Variants in SDK1 observed in about 807,000 individuals in gnomAD.
SDK1 encodes the protein protein sidekick-1.
SDK1 carries 157 observed loss-of-function variants against 245.5 expected under a neutral mutation model. The ratio of observed to expected loss-of-function variants is 0.64; its 90% confidence interval spans 0.56 to 0.73. SDK1 has a LOEUF of 0.73. SDK1 is among the 30% of genes least tolerant of loss of function. The probability of loss-of-function intolerance (pLI) is 0.00; values close to 1 mark genes in which losing one functional copy is unlikely to be tolerated. For synonymous variants in SDK1, 1,647 were observed against 1,278.5 expected (o/e 1.29, Z -6.15); for missense variants, 3,583 against 3,002.3 (o/e 1.19, Z -4.52).
intron 1 of SDK1, among the ~76,000 whole-genome samples, chr7:3,572,131 A>T (rs1370600475): frequency 6.6e-6 from 1 of 152,096 alleles, no homozygotes; most frequent in Non-Finnish European, 1.5e-5. Context: ...AACTCAACAA[A>T]CATCCACTGG....
chr7:4,163,004 G>A (rs983331069), intron 32 of SDK1, among the ~76,000 whole-genome samples: 5 of 152,202 alleles, frequency 3.3e-5, no homozygotes, highest in Non-Finnish European at 4.4e-5. Flanking sequence ...GCCCGGATCC[G>A]GGGCAGACAG....
At chr7:4,083,294 A>G (rs769713980) in intron 22 of SDK1, among the ~76,000 whole-genome samples, 20 of 149,520 alleles carry the variant, frequency 1.3e-4, no homozygotes, top group Non-Finnish European at 2.4e-4. Context: ...ACAACCACTC[A>G]TCTGCTTCCT....
intron 13 of SDK1, among the ~76,000 whole-genome samples, chr7:3,981,529 T>C (rs1217956949): frequency 6.6e-6 from 1 of 152,204 alleles, no homozygotes; most frequent in East Asian, 1.9e-4. Context: ...GCCAGGCCTC[T>C]TGCCCCAGTT....
At chr7:3,695,997 C>G (rs1784562339) in intron 4 of SDK1, among the ~76,000 whole-genome samples, 1 of 152,158 alleles carries the variant, frequency 6.6e-6, no homozygotes, top group Non-Finnish European at 1.5e-5. Flanking sequence ...GCTTTCCTCC[C>G]ACCGTTCTTC....
intron 1 of SDK1, among the ~76,000 whole-genome samples, chr7:3,303,476 C>T (rs771280594): frequency 6.6e-6 from 1 of 152,170 alleles, no homozygotes; most frequent in Admixed American, 6.5e-5. Flanking sequence ...AAGTTTTTAT[C>T]AGTTGCACTT....
At chr7:3,445,012 G>C (rs186349123) in intron 1 of SDK1, among the ~76,000 whole-genome samples, 1 of 152,302 alleles carries the variant, frequency 6.6e-6, no homozygotes, top group Non-Finnish European at 1.5e-5. Context: ...AGCAGAGTCA[G>C]TAGGCATATT....
chr7:3,417,064 C>G (rs538393599), intron 1 of SDK1, among the ~76,000 whole-genome samples: 84 of 152,166 alleles, frequency 5.5e-4, no homozygotes, highest in African/African-American at 2.0e-3. Context: ...ATCCTAGCTA[C>G]CGGGAAGGCT....
chr7:3,834,761 G>C (rs190333615), intron 5 of SDK1, among the ~76,000 whole-genome samples: 1 of 152,128 alleles, frequency 6.6e-6, no homozygotes, highest in South Asian at 2.1e-4. Flanking sequence ...GCTTATTTCC[G>C]CAAGCCACGG....
chr7:4,185,681 A>G (rs1782847355), intron 35 of SDK1, among the ~76,000 whole-genome samples: 1 of 152,148 alleles, frequency 6.6e-6, no homozygotes, highest in Admixed American at 6.5e-5. Context: ...TGCCACGTAC[A>G]CAGCTCTTTG....
intron 4 of SDK1, among the ~76,000 whole-genome samples, chr7:3,669,168 T>G (rs1008407516): frequency 5.9e-5 from 9 of 152,308 alleles, no homozygotes; most frequent in African/African-American, 2.2e-4. Context: ...TTAGTGTAAA[T>G]GAATGTTGAA....
intron 5 of SDK1, among the ~76,000 whole-genome samples, chr7:3,857,590 G>C (rs918274634): frequency 2.6e-5 from 4 of 152,034 alleles, no homozygotes; most frequent in African/African-American, 9.7e-5. Context: ...GAGAGGTTGA[G>C]GTGGGAGGAT....
intron 1 of SDK1, among the ~76,000 whole-genome samples, chr7:3,346,780 CAT>C (rs1248705105): frequency 3.5e-5 from 3 of 85,158 alleles, no homozygotes; most frequent in East Asian, 3.9e-4. Context: ...TATATGTATA[CAT>C]ATATATGTAT....
chr7:4,027,929 A>G (rs571841293), intron 17 of SDK1, among the ~76,000 whole-genome samples: 1 of 151,894 alleles, frequency 6.6e-6, no homozygotes, highest in East Asian at 1.9e-4. Flanking sequence ...ATTAGGATCT[A>G]GATAGAATAA....
intron 1 of SDK1, among the ~76,000 whole-genome samples, chr7:3,560,016 G>C (rs562135532): frequency 1.3e-5 from 2 of 152,322 alleles, no homozygotes; most frequent in East Asian, 3.9e-4. Flanking sequence ...GTAGCCCCAG[G>C]AGACAGGAGA....
At chr7:4,126,558 TA>T (rs1309740361) in intron 25 of SDK1, among the ~76,000 whole-genome samples, 7 of 152,214 alleles carry the variant, frequency 4.6e-5, no homozygotes, top group Admixed American at 6.5e-5. Context: ...CCATCTCTAG[TA>T]AAAATTCAAA....
chr7:3,432,166 T>C (rs1779871158), intron 1 of SDK1, among the ~76,000 whole-genome samples: 4 of 148,296 alleles, frequency 2.7e-5, no homozygotes, highest in African/African-American at 7.4e-5. Flanking sequence ...TATATTTTTA[T>C]ATATATATAT....
At chr7:4,059,602 A>G (rs990270015) in intron 19 of SDK1, among the ~76,000 whole-genome samples, 2 of 152,228 alleles carry the variant, frequency 1.3e-5, no homozygotes, top group African/African-American at 2.4e-5. Context: ...CCTAACAGAC[A>G]TTTACAGAAC....
intron 1 of SDK1, among the ~76,000 whole-genome samples, chr7:3,545,615 T>G: frequency 6.6e-6 from 1 of 152,198 alleles, no homozygotes; most frequent in East Asian, 1.9e-4. Flanking sequence ...ATTACATGAT[T>G]GAAATGAAAC....
intron 6 of SDK1, 98 bp from the exon 7 acceptor site, chr7:3,951,632 C>A: frequency 9.7e-7 from 1 of 1,032,060 alleles, no homozygotes; most frequent in Non-Finnish European, 1.5e-6. Flanking sequence ...ACCCTGGTAG[C>A]ATTAGCTTCG....
Sources: allele counts gnomAD v4.1 joint callset (sites outside exome capture counted in the v4.1 genomes callset), GRCh38; gene constraint gnomAD v4.1.1; transcripts MANE v1.5; gene names NCBI Gene and HGNC (gene_info 2026-07-23, HGNC 2026-07-21).